SLCO3A1: variants seen among roughly 807,000 people sequenced by gnomAD.
The protein encoded by SLCO3A1 is solute carrier organic anion transporter family member 3A1, also known as PGE1 transporter.
SLCO3A1 carries 27 observed loss-of-function variants against 63.1 expected under a neutral mutation model. The ratio of observed to expected loss-of-function variants is 0.43; its 90% confidence interval spans 0.32 to 0.59. The LOEUF is 0.59. Ranked by LOEUF, SLCO3A1 falls within the 20% of genes least tolerant of loss-of-function variation. The pLI, the probability that SLCO3A1 is intolerant of heterozygous loss-of-function variation, is 0.09. For missense variants in SLCO3A1, 773 were observed against 945.8 expected (o/e 0.82, Z 2.40); for synonymous variants, 473 against 409.9 (o/e 1.15, Z -1.86).
At chr15:92,026,093 C>T (rs763120826) in intron 2 of SLCO3A1, among the ~76,000 whole-genome samples, 9 of 152,168 alleles carry the variant, frequency 5.9e-5, no homozygotes, top group Non-Finnish European at 1.3e-4. Context: ...TTACCCTGCA[C>T]GTGTCCAAGC....
intron 7 of SLCO3A1, among the ~76,000 whole-genome samples, chr15:92,135,361 C>T (rs979871921): frequency 1.1e-4 from 16 of 152,242 alleles, no homozygotes; most frequent in South Asian, 4.1e-4. Context: ...CAGGCTCACG[C>T]GCCACAGGTT....
intron 2 of SLCO3A1, among the ~76,000 whole-genome samples, chr15:91,938,324 T>C (rs1008402901): frequency 1.3e-5 from 2 of 151,966 alleles, no homozygotes; most frequent in African/African-American, 4.8e-5. Flanking sequence ...CTCTCCTCCT[T>C]CTCCCAAATT....
At chr15:92,102,994 G>T (rs1056301420) in intron 3 of SLCO3A1, among the ~76,000 whole-genome samples, 2 of 152,230 alleles carry the variant, frequency 1.3e-5, no homozygotes, top group African/African-American at 4.8e-5. Context: ...TTATGGGGAA[G>T]GTTGGCTGGA....
Position 91,872,144 on chromosome 15 carries a change from C to A in SLCO3A1, c.180+18056C>A, listed in dbSNP as rs942443899. Among the ~76,000 whole-genome samples the A allele has an allele frequency of 6.6e-6, 1 of 152,114 alleles. No homozygotes were observed. The highest frequency in any genetic ancestry group is 1.5e-5 in the Non-Finnish European group (1 of 68,020). On this transcript the variant is annotated intron_variant, in intron 1 of 9. Coordinates refer to ENST00000318445, the MANE Select transcript of SLCO3A1 (RefSeq NM_013272.4). The surrounding 1 kb of genome is among the most constrained non-coding windows in gnomAD (Gnocchi z 4.1). ...GATGTGGTGTGTGCCCGGGAGGACACAAGCAGTCTGATCGAACTCTCACAC... is the reference window on the plus strand; with the variant it reads ...GATGTGGTGTGTGCCCGGGAGGACAAAAGCAGTCTGATCGAACTCTCACAC...
chr15:91,950,974 G>A lies in SLCO3A1; in HGVS notation c.646+34516G>A, dbSNP rs544439489. On this transcript the variant is annotated intron_variant, in intron 2 of 9. Coordinates refer to ENST00000318445, the MANE Select transcript of SLCO3A1 (RefSeq NM_013272.4). The surrounding 1 kb of genome is among the most constrained non-coding windows in gnomAD (Gnocchi z 4.4). Reference sequence around the variant, plus strand: ...GACAGGTGAGCTGAAGCTATTGTGTGTATTCTCTTAGTAAAGTCAGTTCCC... The same window carrying A: ...GACAGGTGAGCTGAAGCTATTGTGTATATTCTCTTAGTAAAGTCAGTTCCC... Among the ~76,000 whole-genome samples, 62 of 152,268 alleles carry A rather than the reference G, an allele frequency of 4.1e-4. No individual in the cohort carries two copies. Among genetic ancestry groups the A allele is most frequent in the African/African-American group, 1.5e-3 (61 of 41,542 alleles).
chr15:92,159,867 G>C (rs935603626), intron 9 of SLCO3A1, among the ~76,000 whole-genome samples: 1 of 152,028 alleles, frequency 6.6e-6, no homozygotes, highest in African/African-American at 2.4e-5. Context: ...TGGTATTTTG[G>C]GGGGATATTT....
In SLCO3A1 at chr15:92,023,451, A is replaced by G. The variant is rs1251465482; in HGVS notation, c.647-71430A>G. ...AGCTTTCAGAAAGTATTGCTATTAA[A>G]AGGTGAGGTTGAATTTTTTTTCTTT... is the stretch of plus-strand genomic sequence containing the variant. On this transcript the variant is annotated intron_variant, in intron 2 of 9. Coordinates refer to ENST00000318445, the MANE Select transcript of SLCO3A1 (RefSeq NM_013272.4). 1.2e-4 allele frequency among the ~76,000 whole-genome samples: 18 copies of G among 152,152 alleles called. No individual in the cohort carries two copies. The East Asian group carries it at 3.5e-3, about 29-fold the overall frequency.
chr15:92,031,601 A>T (rs548765375), intron 2 of SLCO3A1, among the ~76,000 whole-genome samples: 104 of 152,234 alleles, frequency 6.8e-4, no homozygotes, highest in African/African-American at 2.3e-3. Flanking sequence ...TGAGGTCAGC[A>T]CCTAGGGATG....
At chr15:92,058,427 C>G (rs558071697) in intron 2 of SLCO3A1, among the ~76,000 whole-genome samples, 1 of 152,134 alleles carries the variant, frequency 6.6e-6, no homozygotes, top group African/African-American at 2.4e-5. Flanking sequence ...CACCCATCCC[C>G]TAAGCCCATT....
At chr15:92,154,258 C>T (rs2048344055) in intron 9 of SLCO3A1, among the ~76,000 whole-genome samples, 1 of 152,214 alleles carries the variant, frequency 6.6e-6, no homozygotes, top group South Asian at 2.1e-4. Context: ...GGGGCACCCA[C>T]AGTGCCCACT....
intron 2 of SLCO3A1, among the ~76,000 whole-genome samples, chr15:91,925,691 T>C (rs981757148): frequency 1.3e-5 from 2 of 152,138 alleles, no homozygotes; most frequent in Admixed American, 1.3e-4. Flanking sequence ...TCTTCTCTTG[T>C]AGGACTGCTA....
Position 92,163,546 on chromosome 15 carries a change from T to TA in SLCO3A1, c.*419dup, listed in dbSNP as rs1385219276. ...ATTTTTTAAAAGAAGTTTCCTAAAA[T>TA]AAAAAAAATTAAAAAAAAAAAACCC... On this transcript the variant is annotated 3_prime_UTR_variant, in exon 10 of 10. Coordinates refer to ENST00000318445, the MANE Select transcript of SLCO3A1 (RefSeq NM_013272.4). The TA allele has an allele frequency of 3.4e-6, 3 of 889,172 alleles. No individual in the cohort carries two copies. Among genetic ancestry groups the TA allele is most frequent in the African/African-American group, 7.0e-5 (2 of 28,714 alleles). 55.1% of individuals were successfully genotyped at this position (889,172 alleles called of 1,614,324 possible).
At chr15:91,982,106 G>A (rs778260599) in intron 2 of SLCO3A1, among the ~76,000 whole-genome samples, 2 of 152,258 alleles carry the variant, frequency 1.3e-5, no homozygotes, top group Non-Finnish European at 2.9e-5. Context: ...TGGCCCTCAG[G>A]CAGCTGCCCA....
At position 92,133,599 on chromosome 15, in the gene SLCO3A1, T is replaced by C. The variant is rs1039991295; in HGVS notation, c.1512+5110T>C. On this transcript the variant is annotated intron_variant, in intron 7 of 9. Coordinates refer to ENST00000318445, the MANE Select transcript of SLCO3A1 (RefSeq NM_013272.4). Reference sequence around the variant, plus strand: ...GTGGCATTGGATTCTTACAGGAGCATGAACTTACTGTGAACTGCGCACGCG... The same window carrying C: ...GTGGCATTGGATTCTTACAGGAGCACGAACTTACTGTGAACTGCGCACGCG... Among the ~76,000 whole-genome samples the C allele has an allele frequency of 6.2e-5, 9 of 145,066 alleles. No homozygotes were observed. In the East Asian group the frequency reaches 9.7e-4, roughly 16 times the overall value.
At chr15:92,151,128 T>A in intron 9 of SLCO3A1, 114 bp downstream of exon 9, 2 of 752,836 alleles carry the variant, frequency 2.7e-6, no homozygotes, top group Non-Finnish European at 4.2e-6. Flanking sequence ...CTTTGCAGTT[T>A]AATTATTAGT....
At chr15:92,050,648 A>G (rs1311045678) in intron 2 of SLCO3A1, among the ~76,000 whole-genome samples, 1 of 152,154 alleles carries the variant, frequency 6.6e-6, no homozygotes, top group African/African-American at 2.4e-5. Flanking sequence ...CACTATCACT[A>G]CCACCAACCA....
Position 92,046,188 on chromosome 15 carries a change from C to T in SLCO3A1, c.647-48693C>T, listed in dbSNP as rs539478869. Among the ~76,000 whole-genome samples the T allele has an allele frequency of 2.0e-5, 3 of 152,162 alleles. No individual in the cohort carries two copies. The East Asian group carries it at 5.8e-4, about 29-fold the overall frequency. On this transcript the variant is annotated intron_variant, in intron 2 of 9. Transcript: ENST00000318445. ...GTGTCAGATTGTAAGCTATATTGGA[C>T]AGCCTACAGTGGACACATAAAAACA...
At chr15:92,107,852 C>A (rs755897364) in intron 4 of SLCO3A1, among the ~76,000 whole-genome samples, 2 of 152,242 alleles carry the variant, frequency 1.3e-5, no homozygotes, top group African/African-American at 4.8e-5. Flanking sequence ...CCAGCTCAGT[C>A]GCTTCTTAAT....
chr15:91,933,590 G>T (rs1899308478), intron 2 of SLCO3A1, among the ~76,000 whole-genome samples: 1 of 152,188 alleles, frequency 6.6e-6, no homozygotes, highest in African/African-American at 2.4e-5. Context: ...AGTACATAGA[G>T]ACATAGAATC....
Sources: allele counts gnomAD v4.1 joint callset (sites outside exome capture counted in the v4.1 genomes callset), GRCh38; gene constraint gnomAD v4.1.1; non-coding constraint Gnocchi (gnomAD v3.1); transcripts MANE v1.5; gene names NCBI Gene and HGNC (gene_info 2026-07-23, HGNC 2026-07-21).